Variants in MEP1B observed in about 807,000 individuals in gnomAD.
MEP1B encodes the protein meprin A subunit beta.
In MEP1B, 80 loss-of-function variants were observed where a neutral mutation model predicts 84.6. That is an observed-to-expected ratio of 0.95 (90% confidence interval 0.79 to 1.14). The LOEUF is 1.14. Among genes scored for constraint, MEP1B ranks in the 50% most tolerant of loss-of-function variants. MEP1B has a pLI of 0.00. For missense variants in MEP1B, 766 were observed against 855.1 expected (o/e 0.90, Z 1.30); for synonymous variants, 273 against 288.1 (o/e 0.95, Z 0.53).
Position 32,192,769 on chromosome 18 carries a change from C to G in MEP1B, c.128-5C>G. ...GCTAACATGAATTTTTATCTTTACTCTTAGGTTTGGGACTGGATCTTTTTG... is the reference window on the plus strand; with the variant it reads ...GCTAACATGAATTTTTATCTTTACTGTTAGGTTTGGGACTGGATCTTTTTG... On this transcript the variant is annotated splice_region_variant and splice_polypyrimidine_tract_variant and intron_variant, in intron 3 of 14. Transcript: ENST00000269202. 1 of 1,612,698 alleles carries G rather than the reference C, an allele frequency of 6.2e-7. No individual in the cohort carries two copies. The highest frequency in any genetic ancestry group is 8.5e-7 in the Non-Finnish European group (1 of 1,179,086).
Position 32,196,820 on chromosome 18 carries a change from T to C in MEP1B, c.250+1335T>C, listed in dbSNP as rs1431913617. 1.6e-6 allele frequency: 1 copy of C among 615,710 alleles called. No homozygotes were observed. Among genetic ancestry groups the C allele is most frequent in the Non-Finnish European group, 3.0e-6 (1 of 337,656 alleles). 38.1% of individuals were successfully genotyped at this position (615,710 alleles called of 1,614,324 possible). A position where few individuals can be genotyped will look rare whatever the true frequency, so the allele number is the denominator to read the frequency against. Reference sequence around the variant, plus strand: ...CCATCACCCGCACGCTCATCAGCACTGCCTTCTGCTGGCTTCTCAGGGCCT... The same window carrying C: ...CCATCACCCGCACGCTCATCAGCACCGCCTTCTGCTGGCTTCTCAGGGCCT... On this transcript the variant is annotated intron_variant, in intron 5 of 14. Transcript: ENST00000269202. This position sits in a 1 kb window ranked among gnomAD's most constrained non-coding sequence, Gnocchi z 4.4.
intron 9 of MEP1B, 90 bp from the exon 10 acceptor site, chr18:32,210,411 C>G (rs1355047082): frequency 3.7e-6 from 4 of 1,078,754 alleles, no homozygotes; most frequent in Non-Finnish European, 5.3e-6. Context: ...TTACTTATGC[C>G]TCGCGTAAAG....
intron 5 of MEP1B, among the ~76,000 whole-genome samples, chr18:32,195,740 A>G (rs1207139350): frequency 6.6e-6 from 1 of 152,030 alleles, no homozygotes; most frequent in East Asian, 1.9e-4. Flanking sequence ...TGGAGAGCCT[A>G]CTCTGTTATG....
At chr18:32,219,960 A>T (rs77190873) in intron 14 of MEP1B, among the ~76,000 whole-genome samples, 1 of 152,164 alleles carries the variant, frequency 6.6e-6, no homozygotes, top group Non-Finnish European at 1.5e-5. Context: ...CAGATCTCCC[A>T]GATGTCGTTT....
intron 14 of MEP1B, 121 bp downstream of exon 14, chr18:32,218,086 C>T: frequency 2.5e-6 from 2 of 805,024 alleles, no homozygotes; most frequent in Non-Finnish European, 4.0e-6. Flanking sequence ...TATGCTGGGA[C>T]AACTGATTTC....
intron 13 of MEP1B, among the ~76,000 whole-genome samples, chr18:32,217,438 C>G (rs2041102880): frequency 6.6e-6 from 1 of 152,024 alleles, no homozygotes; most frequent in Admixed American, 6.6e-5. Context: ...TCTGAGGAGC[C>G]CTTGGCCAAG....
Position 32,192,660 on chromosome 18 carries a change from A to T in MEP1B, c.97A>T (p.Met33Leu). ...TTTAATCAAAGATGTAGATGGCGGAATGGACCAGGACATATTTGATATCAA... is the reference window on the plus strand; with the variant it reads ...TTTAATCAAAGATGTAGATGGCGGATTGGACCAGGACATATTTGATATCAA... ...TPENFDVDGG[M>L]DQDIFDINEG... The change falls in exon 3 of 15, where the codon ATG (methionine) becomes TTG (leucine). Residue 33 changes from methionine (M) to leucine (L), a missense_variant. Transcript: ENST00000269202. 6.2e-7 allele frequency: 1 copy of T among 1,613,252 alleles called. No individual in the cohort carries two copies. Among genetic ancestry groups the T allele is most frequent in the Non-Finnish European group, 8.5e-7 (1 of 1,179,394 alleles).
Position 32,197,847 on chromosome 18 carries a change from G to T in MEP1B, c.250+2362G>T, listed in dbSNP as rs531700411. 5.9e-5 allele frequency among the ~76,000 whole-genome samples: 9 copies of T among 152,334 alleles called. No individual in the cohort carries two copies. The East Asian group carries it at 1.5e-3, about 26-fold the overall frequency. On this transcript the variant is annotated intron_variant, in intron 5 of 14. Coordinates refer to ENST00000269202, the MANE Select transcript of MEP1B (RefSeq NM_005925.3). ...AATGAACCCATCACCCAGGAGTTGA[G>T]CATAGCACCCAATAGGTGGCTTCTT... is the stretch of plus-strand genomic sequence containing the variant.
chr18:32,212,714 TATTAA>T (rs780192007), intron 10 of MEP1B, among the ~76,000 whole-genome samples: 2 of 152,186 alleles, frequency 1.3e-5, no homozygotes, highest in Non-Finnish European at 2.9e-5. Flanking sequence ...ACTATAAATA[TATTAA>T]AGAAGGCTTT....
intron 10 of MEP1B, among the ~76,000 whole-genome samples, chr18:32,212,084 CAT>C (rs1314898653): frequency 1.4e-5 from 2 of 147,310 alleles, no homozygotes; most frequent in African/African-American, 2.5e-5. Flanking sequence ...ATATATAAGC[CAT>C]ATATGTTACT....
chr18:32,203,881 C>T (rs953572177), intron 6 of MEP1B, among the ~76,000 whole-genome samples: 4 of 151,896 alleles, frequency 2.6e-5, no homozygotes, highest in African/African-American at 9.7e-5. Flanking sequence ...ATGACCAGAT[C>T]TCATGAAAAC....
intron 14 of MEP1B, among the ~76,000 whole-genome samples, chr18:32,218,744 G>A (rs532910685): frequency 7.2e-5 from 11 of 152,272 alleles, no homozygotes; most frequent in South Asian, 4.1e-4. Flanking sequence ...GTCCTGAATC[G>A]AGGGAGGGGG....
chr18:32,205,667 C>T (rs2040957369), intron 7 of MEP1B, among the ~76,000 whole-genome samples: 3 of 152,170 alleles, frequency 2.0e-5, no homozygotes. Context: ...ATCAGAACCA[C>T]CTTAAAGTGT....
chr18:32,203,096 G>A (rs940947320), intron 6 of MEP1B, 86 bp downstream of exon 6: 9 of 736,794 alleles, frequency 1.2e-5, no homozygotes, highest in Non-Finnish European at 2.0e-5. Flanking sequence ...CCTAGGCTCT[G>A]ACCTTTAGGA....
chr18:32,201,932 A>G (rs1297544092), intron 5 of MEP1B, among the ~76,000 whole-genome samples: 2 of 152,224 alleles, frequency 1.3e-5, no homozygotes, highest in African/African-American at 4.8e-5. Flanking sequence ...GGAAATGAAC[A>G]TTTGACAAAT....
intron 12 of MEP1B, among the ~76,000 whole-genome samples, chr18:32,216,418 G>C (rs1474224948): frequency 6.6e-6 from 1 of 152,220 alleles, no homozygotes; most frequent in Non-Finnish European, 1.5e-5. Flanking sequence ...AACACTGGTT[G>C]TCAGGGCACT....
At position 32,207,475 on chromosome 18, in the gene MEP1B, G is replaced by A; in HGVS notation, c.766+5G>A. On this transcript the variant is annotated splice_donor_5th_base_variant and intron_variant, in intron 8 of 14. Transcript: ENST00000269202. Reference sequence around the variant, plus strand: ...TGAATCAACTGTATAACTGCTGTATGTGACAGGTTCTTTGAAATGACTTAT... The same window carrying A: ...TGAATCAACTGTATAACTGCTGTATATGACAGGTTCTTTGAAATGACTTAT... 6.3e-7 allele frequency: 1 copy of A among 1,585,596 alleles called. No homozygotes were observed. The highest frequency in any genetic ancestry group is 8.6e-7 in the Non-Finnish European group (1 of 1,157,114).
intron 10 of MEP1B, among the ~76,000 whole-genome samples, chr18:32,211,373 C>T (rs889339309): frequency 6.6e-6 from 1 of 152,186 alleles, no homozygotes; most frequent in Non-Finnish European, 1.5e-5. Flanking sequence ...ATGTTAGTTA[C>T]AGCCTGTGGG....
Position 32,196,793 on chromosome 18 carries a change from G to A in MEP1B, c.250+1308G>A. 1.5e-6 allele frequency: 1 copy of A among 656,706 alleles called. No individual in the cohort carries two copies. The highest frequency in any genetic ancestry group is 2.2e-5 in the Admixed American group (1 of 45,928). The allele number at this position is 656,706 out of a possible 1,614,324, so 40.7% of individuals were successfully genotyped here. ...CCTGGATGGTGTTGGGGTGCTCGAT[G>A]CCCATCACCCGCACGCTCATCAGCA... On this transcript the variant is annotated intron_variant, in intron 5 of 14. Coordinates refer to ENST00000269202, the MANE Select transcript of MEP1B (RefSeq NM_005925.3). This position sits in a 1 kb window ranked among gnomAD's most constrained non-coding sequence, Gnocchi z 4.4.
Sources: allele counts gnomAD v4.1 joint callset (sites outside exome capture counted in the v4.1 genomes callset), GRCh38; gene constraint gnomAD v4.1.1; non-coding constraint Gnocchi (gnomAD v3.1); transcripts MANE v1.5; gene names NCBI Gene and HGNC (gene_info 2026-07-23, HGNC 2026-07-21).